The following CLTC variants were observed in gnomAD, a reference collection of about 807,000 sequenced individuals.
The protein encoded by CLTC is clathrin heavy chain, also known as clathrin heavy chain 1.
In CLTC, 16 loss-of-function variants were observed where a neutral mutation model predicts 195.8. The ratio of observed to expected loss-of-function variants is 0.08; its 90% CI spans 0.06 to 0.12. The LOEUF (loss-of-function observed/expected upper bound fraction) is 0.12. CLTC is among the 10% of genes least tolerant of loss of function. The pLI, the probability that CLTC is intolerant of heterozygous loss-of-function variation, is 1.00. For synonymous variants in CLTC, 667 were observed against 689.4 expected, an observed-to-expected ratio of 0.97 and a Z score of 0.51; for missense variants, 796 against 2,027.0, an observed-to-expected ratio of 0.39 and a Z score of 11.66.
rs755787885 is a variant in CLTC, at chr17:59,666,275, A to G, written c.1782+35A>G. 1.2e-6 allele frequency: 2 copies of G among 1,605,588 alleles called. No homozygotes were observed. The highest frequency in any genetic ancestry group is 1.1e-5 in the South Asian group (1 of 90,822). ...TTAATGCTTTTTAGGCATGTTTCCA[A>G]CATTGTTTTAGTAATTGTGCAGCGC... On this transcript the variant is annotated intron_variant, in intron 11 of 31. Coordinates refer to ENST00000269122, the MANE Select transcript of CLTC (RefSeq NM_004859.4). This position sits in a 1 kb window ranked among gnomAD's most constrained non-coding sequence, Gnocchi z 4.9.
At chr17:59,649,156 T>C (rs1027958925) in intron 4 of CLTC, among the ~76,000 whole-genome samples, 2 of 152,142 alleles carry the variant, frequency 1.3e-5, no homozygotes, top group African/African-American at 4.8e-5. Context: ...ATGGTCTGTT[T>C]AGTGAAGGAT....
rs551349902 is a variant in CLTC, at chr17:59,623,148, T to C, written c.42+2975T>C. ...CCATTGTATTCCTAGATTCTTTGGG[T>C]CTTCAATTAAAAATCTCCCTACCCT... is the stretch of plus-strand genomic sequence containing the variant. On this transcript the variant is annotated intron_variant, in intron 1 of 31. Coordinates refer to ENST00000269122, the MANE Select transcript of CLTC (RefSeq NM_004859.4). Among the ~76,000 whole-genome samples the C allele has an allele frequency of 9.2e-4, 140 of 152,300 alleles. 2 individuals are homozygous for C. The highest frequency in any genetic ancestry group is 6.8e-3 in the Middle Eastern group (2 of 294).
chr17:59,645,831 C>T (rs1201947759), intron 2 of CLTC, among the ~76,000 whole-genome samples: 2 of 144,612 alleles, frequency 1.4e-5, no homozygotes, highest in East Asian at 2.1e-4. Context: ...AAGTGTTTTA[C>T]TTCTATTACT....
chr17:59,623,904 C>T (rs1306977998), intron 1 of CLTC, among the ~76,000 whole-genome samples: 1 of 152,204 alleles, frequency 6.6e-6, no homozygotes, highest in South Asian at 2.1e-4. Flanking sequence ...TGACAATTGA[C>T]TCCTACATTG....
At chr17:59,664,611 G>T in intron 9 of CLTC, 176 bp from the exon 10 acceptor site, 20 of 463,800 alleles carry the variant, frequency 4.3e-5, no homozygotes, top group Non-Finnish European at 5.9e-5. Flanking sequence ...TATAAAAATT[G>T]ACAGATGTTT....
intron 1 of CLTC, among the ~76,000 whole-genome samples, chr17:59,621,816 AAATG>A (rs2031388906): frequency 6.6e-6 from 1 of 152,174 alleles, no homozygotes; most frequent in African/African-American, 2.4e-5. Flanking sequence ...GTGGGGTGGC[AAATG>A]AATGTGGAGA....
In CLTC at chr17:59,694,538, T is replaced by G. The variant is rs536903048; in HGVS notation, c.*686T>G. The G allele has an allele frequency of 4.4e-6, 1 of 227,418 alleles. No individual in the cohort carries two copies. Among genetic ancestry groups the G allele is most frequent in the Admixed American group, 5.7e-5 (1 of 17,586 alleles). 14.1% of individuals were successfully genotyped at this position (227,418 alleles called of 1,614,324 possible). A position where few individuals can be genotyped will look rare whatever the true frequency, so the allele number is the denominator to read the frequency against. ...GGTGCCCTTATGTTGTGCTGTATCCTGTGCTTTTTCTGTGGGACCATTCCA... is the reference window on the plus strand; with the variant it reads ...GGTGCCCTTATGTTGTGCTGTATCCGGTGCTTTTTCTGTGGGACCATTCCA... On this transcript the variant is annotated 3_prime_UTR_variant, in exon 32 of 32. Transcript: ENST00000269122.
chr17:59,666,878 C>G lies in CLTC; in HGVS notation c.2029C>G (p.Gln677Glu). 1 of 1,613,936 alleles carries G rather than the reference C, an allele frequency of 6.2e-7. No individual in the cohort carries two copies. The highest frequency in any genetic ancestry group is 8.5e-7 in the Non-Finnish European group (1 of 1,179,868). ...LRAMLSANIR[Q>E]NLQICVQVAS... ...AGCCATGCTGTCTGCCAACATCCGTCAGAATCTGCAGATTTGTGTTCAGGT... is the reference window on the plus strand; with the variant it reads ...AGCCATGCTGTCTGCCAACATCCGTGAGAATCTGCAGATTTGTGTTCAGGT... The change falls in exon 13 of 32, where the codon CAG becomes GAG. Residue 677 changes from glutamine to glutamate, a missense_variant. Transcript: ENST00000269122. The surrounding 1 kb of genome is among the most constrained non-coding windows in gnomAD (Gnocchi z 4.9).
At chr17:59,690,155 A>G (rs1397522877) in intron 30 of CLTC, 3 of 152,478 alleles carry the variant, frequency 2.0e-5, no homozygotes, top group African/African-American at 7.2e-5. Context: ...GTCTGCAGCT[A>G]TAACCAATAT....
rs138937419 is a variant in CLTC, at chr17:59,648,984, T to C, written c.681+583T>C. Among the ~76,000 whole-genome samples the C allele has an allele frequency of 5.9e-3, 892 of 152,330 alleles. 6 individuals are homozygous for C. The highest frequency in any genetic ancestry group is 9.0e-3 in the Non-Finnish European group (613 of 68,014). ...TAATCTGCATTTTAAATACCTTATATGGCTTGATATAGAGGCAATGTAGAC... is the reference window on the plus strand; with the variant it reads ...TAATCTGCATTTTAAATACCTTATACGGCTTGATATAGAGGCAATGTAGAC... On this transcript the variant is annotated intron_variant, in intron 4 of 31. Coordinates refer to ENST00000269122, the MANE Select transcript of CLTC (RefSeq NM_004859.4). This position sits in a 1 kb window ranked among gnomAD's most constrained non-coding sequence, Gnocchi z 4.5.
In CLTC at chr17:59,666,545, G is replaced by A. The variant is rs374524113; in HGVS notation, c.1848G>A (p.Leu616=). 3.1e-6 allele frequency: 5 copies of A among 1,613,994 alleles called. No homozygotes were observed. The highest frequency in any genetic ancestry group is 4.2e-6 in the Non-Finnish European group (5 of 1,180,016). Residue 616 remains leucine, a synonymous_variant, in exon 12 of 32, where the codon CTG becomes CTA. Coordinates refer to ENST00000269122, the MANE Select transcript of CLTC (RefSeq NM_004859.4). The surrounding 1 kb of genome is among the most constrained non-coding windows in gnomAD (Gnocchi z 4.9). Reference sequence around the variant, plus strand: ...ATGACCGGGCTCATATTGCTCAACTGTGTGAAAAGGCTGGCCTACTGCAGC... The same window carrying A: ...ATGACCGGGCTCATATTGCTCAACTATGTGAAAAGGCTGGCCTACTGCAGC... ...THYDRAHIAQ[L]CEKAGLLQRA...
chr17:59,694,221 A>G lies in CLTC; in HGVS notation c.*369A>G. 4.5e-6 allele frequency: 1 copy of G among 223,144 alleles called. No homozygotes were observed. The highest frequency in any genetic ancestry group is 9.0e-6 in the Non-Finnish European group (1 of 111,730). The allele number at this position is 223,144 out of a possible 1,614,324, so 13.8% of individuals were successfully genotyped here. On this transcript the variant is annotated 3_prime_UTR_variant, in exon 32 of 32. Transcript: ENST00000269122. ...ATATTGAATCTCTTAAATTTAGTGT[A>G]TGTAAACAGCTTACAAATACGTATT...
At position 59,644,528 on chromosome 17, in the gene CLTC, TG is replaced by T. The variant is rs774407087; in HGVS notation, c.250+46del. ...TTCCTTAAAACTCTTCCTATGTTTTTGTTTTTTTTTGTTTTTTTTTTGTTTG... is the reference window on the plus strand; with the variant it reads ...TTCCTTAAAACTCTTCCTATGTTTTTTTTTTTTTTGTTTTTTTTTTGTTTG... On this transcript the variant is annotated intron_variant, in intron 2 of 31. Coordinates refer to ENST00000269122, the MANE Select transcript of CLTC (RefSeq NM_004859.4). 3.4e-5 allele frequency: 44 copies of T among 1,305,548 alleles called. No individual in the cohort carries two copies. The African/African-American group carries it at 5.9e-4, about 18-fold the overall frequency. The allele number at this position is 1,305,548 out of a possible 1,614,324, so 80.9% of individuals were successfully genotyped here. A position where few individuals can be genotyped will look rare whatever the true frequency, so the allele number is the denominator to read the frequency against.
intron 1 of CLTC, among the ~76,000 whole-genome samples, chr17:59,630,459 C>T (rs962426852): frequency 2.0e-5 from 3 of 152,096 alleles, no homozygotes; most frequent in African/African-American, 7.2e-5. Flanking sequence ...TTAAAGTGAA[C>T]AATTTAGTGG....
At chr17:59,640,449 T>A (rs1259366414) in intron 1 of CLTC, among the ~76,000 whole-genome samples, 1 of 151,192 alleles carries the variant, frequency 6.6e-6, no homozygotes, top group Non-Finnish European at 1.5e-5. Context: ...CAGGCTGGAG[T>A]GCAGTAGGGC....
At chr17:59,646,719 T>G (rs1197119989) in intron 2 of CLTC, among the ~76,000 whole-genome samples, 1 of 152,220 alleles carries the variant, frequency 6.6e-6, no homozygotes, top group African/African-American at 2.4e-5. Context: ...ACTAAATGCT[T>G]GCTTTCTTAA....
Position 59,627,932 on chromosome 17 carries a change from T to G in CLTC, c.42+7759T>G, listed in dbSNP as rs141675038. 5.3e-5 allele frequency among the ~76,000 whole-genome samples: 8 copies of G among 152,352 alleles called. No individual in the cohort carries two copies. In the East Asian group the frequency reaches 1.5e-3, roughly 29 times the overall value. ...GTGTTTATGCCAAGAAATAGAAGCT[T>G]GAACTCAACGAAGGCAGTTGTGCAT... On this transcript the variant is annotated intron_variant, in intron 1 of 31. Transcript: ENST00000269122.
chr17:59,681,656 G>T lies in CLTC; in HGVS notation c.3259G>T (p.Glu1087Ter). 6.2e-7 allele frequency: 1 copy of T among 1,612,034 alleles called. No individual in the cohort carries two copies. The highest frequency in any genetic ancestry group is 1.1e-5 in the South Asian group (1 of 90,824). ...VNTSAVQVLI[E>*]HIGNLDRAYE... Reference sequence around the variant, plus strand: ...AAACTTGGATACTTAGGTCTTAATTGAGCATATTGGAAACTTGGATCGGGC... The same window carrying T: ...AAACTTGGATACTTAGGTCTTAATTTAGCATATTGGAAACTTGGATCGGGC... Residue 1087 changes from glutamate to a stop codon, truncating the protein, a stop_gained, in exon 21 of 32, where the codon GAG becomes TAG. Transcript: ENST00000269122. LOFTEE classifies it high-confidence loss of function. This position sits in a 1 kb window ranked among gnomAD's most constrained non-coding sequence, Gnocchi z 5.0.
Position 59,679,535 on chromosome 17 carries a change from G to A in CLTC, c.2919+16G>A, listed in dbSNP as rs1195377423. ...AATTGACCAGGTAACATTGGCAAAT[G>A]TGTTTATGGCTGTCAGTAAAAATTA... On this transcript the variant is annotated intron_variant, in intron 18 of 31. Coordinates refer to ENST00000269122, the MANE Select transcript of CLTC (RefSeq NM_004859.4). 7 of 1,568,978 alleles carry A rather than the reference G, an allele frequency of 4.5e-6. No individual in the cohort carries two copies. Among genetic ancestry groups the A allele is most frequent in the African/African-American group, 4.1e-5 (3 of 73,904 alleles).
Sources: gnomAD v4.1 joint callset for allele counts (sites outside exome capture counted in the v4.1 genomes callset) on GRCh38, gnomAD v4.1.1 for gene constraint, Gnocchi (gnomAD v3.1) non-coding constraint, MANE v1.5 for transcripts, NCBI Gene and HGNC (gene_info 2026-07-23, HGNC 2026-07-21) for gene names.